Variants in JAZF1 observed in about 807,000 individuals in gnomAD.
JAZF1 encodes JAZF zinc finger 1, also known as juxtaposed with another zinc finger protein 1.
A neutral mutation model predicts 26.4 loss-of-function variants in JAZF1; 8 were observed. The ratio of observed to expected loss-of-function variants is 0.30; its 90% CI spans 0.18 to 0.55. The LOEUF (loss-of-function observed/expected upper bound fraction) is 0.55, where lower values mean the gene tolerates loss of function less well. JAZF1 is among the 20% of genes least tolerant of loss of function. The pLI, the probability that JAZF1 is intolerant of heterozygous loss-of-function variation, is 0.94. For synonymous variants in JAZF1, 126 were observed against 122.3 expected (o/e 1.03, Z -0.20); for missense variants, 199 against 322.0 (o/e 0.62, Z 2.92).
chr7:27,995,185 T>C (rs1394232362), intron 1 of JAZF1, among the ~76,000 whole-genome samples: 3 of 152,180 alleles, frequency 2.0e-5, no homozygotes, highest in African/African-American at 7.2e-5. Flanking sequence ...GAGATGGCCA[T>C]GGCACACATT....
chr7:28,024,334 G>C (rs557011858), intron 1 of JAZF1, among the ~76,000 whole-genome samples: 1 of 152,060 alleles, frequency 6.6e-6, no homozygotes, highest in South Asian at 2.1e-4. Context: ...TGTTTAAGAA[G>C]AGAGAACAGC....
intron 1 of JAZF1, among the ~76,000 whole-genome samples, chr7:28,161,992 C>T (rs1783299745): frequency 1.1e-4 from 17 of 152,014 alleles, no homozygotes; most frequent in Admixed American, 1.1e-3. Flanking sequence ...TTTTGTAGTC[C>T]CTAGTACTTA....
At chr7:27,989,691 C>T (rs1785854544) in intron 2 of JAZF1, among the ~76,000 whole-genome samples, 1 of 152,210 alleles carries the variant, frequency 6.6e-6, no homozygotes, top group South Asian at 2.1e-4. Context: ...AAATGCTCAT[C>T]ATCACTGGCC....
chr7:27,861,054 C>T (rs977669227), intron 3 of JAZF1, among the ~76,000 whole-genome samples: 3 of 152,216 alleles, frequency 2.0e-5, no homozygotes, highest in Admixed American at 1.3e-4. Context: ...CCTCTTTCTT[C>T]GTTCACCCCT....
intron 2 of JAZF1, among the ~76,000 whole-genome samples, chr7:27,957,763 C>T (rs951739433): frequency 4.6e-5 from 7 of 152,216 alleles, no homozygotes; most frequent in Non-Finnish European, 1.5e-5. Flanking sequence ...AGAGTGCACA[C>T]ATAGCTAGAC....
intron 1 of JAZF1, among the ~76,000 whole-genome samples, chr7:28,012,420 TA>T (rs1403813551): frequency 1.3e-5 from 2 of 152,142 alleles, no homozygotes; most frequent in African/African-American, 4.8e-5. Flanking sequence ...AGAAATTAAG[TA>T]AACACTCTTT....
chr7:27,847,033 G>A (rs148488792), intron 3 of JAZF1, among the ~76,000 whole-genome samples: 4 of 151,994 alleles, frequency 2.6e-5, no homozygotes, highest in Admixed American at 6.6e-5. Context: ...GCAATGGCAC[G>A]ATCTCGGCTC....
chr7:28,148,564 T>G (rs542714527), intron 1 of JAZF1, among the ~76,000 whole-genome samples: 1 of 152,364 alleles, frequency 6.6e-6, no homozygotes, highest in African/African-American at 2.4e-5. Flanking sequence ...TTTAATCTAC[T>G]GAGAAGGCGT....
chr7:27,904,103 T>A (rs761248308), intron 2 of JAZF1, among the ~76,000 whole-genome samples: 2 of 152,184 alleles, frequency 1.3e-5, no homozygotes, highest in African/African-American at 2.4e-5. Flanking sequence ...CTCTGGCTGT[T>A]ACTATGCAAT....
chr7:28,060,332 G>C (rs1783778790), intron 1 of JAZF1, among the ~76,000 whole-genome samples: 1 of 152,134 alleles, frequency 6.6e-6, no homozygotes, highest in South Asian at 2.1e-4. Context: ...TGATTCTGCT[G>C]ACTCTTGTTC....
At chr7:27,973,847 G>T (rs557450416) in intron 2 of JAZF1, among the ~76,000 whole-genome samples, 1 of 152,316 alleles carries the variant, frequency 6.6e-6, no homozygotes, top group South Asian at 2.1e-4. Flanking sequence ...CTGGTGGACA[G>T]GGTTTCAGTG....
chr7:27,983,758 G>A (rs927286599), intron 2 of JAZF1, among the ~76,000 whole-genome samples: 20 of 152,356 alleles, frequency 1.3e-4, no homozygotes, highest in African/African-American at 4.6e-4. Context: ...TCTCTCAGCA[G>A]AAACTCTGCA....
chr7:27,872,461 C>T (rs7791369), intron 3 of JAZF1, among the ~76,000 whole-genome samples: 109,372 of 152,186 alleles, frequency 0.72, 39,957 homozygotes, highest in African/African-American at 0.85. Context: ...AGCTGGAATC[C>T]TTCCCCTGTG....
intron 2 of JAZF1, among the ~76,000 whole-genome samples, chr7:27,977,329 A>G (rs1366922424): frequency 3.3e-5 from 5 of 152,184 alleles, no homozygotes; most frequent in Admixed American, 3.3e-4. Context: ...TAAAAGCCCA[A>G]AACGTTTCCC....
chr7:27,907,644 G>C (rs563794984), intron 2 of JAZF1, among the ~76,000 whole-genome samples: 134 of 152,304 alleles, frequency 8.8e-4, no homozygotes, highest in African/African-American at 3.1e-3. Flanking sequence ...CTAGCACCAG[G>C]GGGTGAGGCA....
intron 3 of JAZF1, among the ~76,000 whole-genome samples, chr7:27,890,816 G>A (rs1329088017): frequency 1.6e-4 from 18 of 113,652 alleles, no homozygotes; most frequent in Admixed American, 2.3e-4. Flanking sequence ...TTGAGATGAA[G>A]TCTTGCTCTG....
At chr7:27,911,584 G>A (rs1784361207) in intron 2 of JAZF1, among the ~76,000 whole-genome samples, 1 of 152,166 alleles carries the variant, frequency 6.6e-6, no homozygotes, top group Non-Finnish European at 1.5e-5. Flanking sequence ...AATTTAAGTA[G>A]CCACATATGG....
intron 1 of JAZF1, among the ~76,000 whole-genome samples, chr7:28,167,823 T>C (rs939314393): frequency 2.6e-5 from 4 of 152,206 alleles, no homozygotes; most frequent in Admixed American, 1.3e-4. Context: ...TGTTAAAAAA[T>C]AGTTAACTGC....
intron 3 of JAZF1, among the ~76,000 whole-genome samples, chr7:27,859,294 A>G (rs1317539366): frequency 6.6e-6 from 1 of 152,230 alleles, no homozygotes; most frequent in Non-Finnish European, 1.5e-5. Flanking sequence ...AATTATTTCA[A>G]CCATTGTGGA....
Sources: allele counts gnomAD v4.1 joint callset (sites outside exome capture counted in the v4.1 genomes callset), GRCh38; gene constraint gnomAD v4.1.1; transcripts MANE v1.5; gene names NCBI Gene and HGNC (gene_info 2026-07-23, HGNC 2026-07-21).